USF3: variants seen among roughly 807,000 people sequenced by gnomAD.
USF3 encodes the protein basic helix-loop-helix domain-containing protein USF3.
A neutral mutation model predicts 157.5 loss-of-function variants in USF3; 29 were observed. The ratio of observed to expected loss-of-function variants is 0.18; its 90% CI spans 0.14 to 0.25. The LOEUF (loss-of-function observed/expected upper bound fraction) is 0.25. USF3 is among the 10% of genes least tolerant of loss of function. USF3 has a pLI of 1.00. For synonymous variants in USF3, 893 were observed against 941.4 expected (o/e 0.95, Z 0.94); for missense variants, 2,381 against 2,667.6 (o/e 0.89, Z 2.37).
Position 113,656,271 on chromosome 3 carries a change from T to G in USF3, c.5411A>C (p.Asn1804Thr), listed in dbSNP as rs1386511532. ...TTCACTGTCCCTTGATGGAATACCA[T>G]TTCCTGTTGGGATGCTCTGAACTGG... ...YPPVQSIPTG[N>T]GIPSRDSENT... The change falls in exon 7 of 7, where the codon AAT becomes ACT. Residue 1804 changes from asparagine to threonine, a missense_variant. This residue lies in a region of USF3 where 770 missense variants were observed against 824.2 expected (regional missense o/e 0.93). Coordinates refer to ENST00000316407, the MANE Select transcript of USF3 (RefSeq NM_001009899.4). 9 of 1,614,082 alleles carry G rather than the reference T, an allele frequency of 5.6e-6. No individual in the cohort carries two copies. The highest frequency in any genetic ancestry group is 7.6e-6 in the Non-Finnish European group (9 of 1,180,050).
chr3:113,683,277 T>C (rs1488333188), intron 1 of USF3, among the ~76,000 whole-genome samples: 1 of 151,096 alleles, frequency 6.6e-6, no homozygotes, highest in Non-Finnish European at 1.5e-5. Flanking sequence ...TATTATCTAG[T>C]TTTTAATCTA....
Position 113,660,613 on chromosome 3 carries a change from T to C in USF3, c.1069A>G (p.Met357Val), listed in dbSNP as rs535991160. 28 of 1,614,206 alleles carry C rather than the reference T, an allele frequency of 1.7e-5. No homozygotes were observed. Among genetic ancestry groups the C allele is most frequent in the African/African-American group, 6.7e-5 (5 of 75,056 alleles). Residue 357 changes from methionine (M) to valine (V), a missense_variant, in exon 7 of 7, where the codon ATG (methionine) becomes GTG (valine). By Grantham distance (21) the Met-to-Val change is conservative. Coordinates refer to ENST00000316407, the MANE Select transcript of USF3 (RefSeq NM_001009899.4). Reference sequence around the variant, plus strand: ...AAGTCTGCACTCTTACTAATGCTCATTGGAGAAGAATCACCTGCAGTTCTG... The same window carrying C: ...AAGTCTGCACTCTTACTAATGCTCACTGGAGAAGAATCACCTGCAGTTCTG... ...PPRTAGDSSP[M>V]SISKSADLTS...
chr3:113,691,661 T>G (rs564679313), intron 1 of USF3, among the ~76,000 whole-genome samples: 37 of 152,318 alleles, frequency 2.4e-4, no homozygotes, highest in African/African-American at 7.0e-4. Flanking sequence ...TCCTGGGAGC[T>G]TCTGTTTTCC....
At chr3:113,678,054 G>A (rs914743854) in intron 1 of USF3, among the ~76,000 whole-genome samples, 10 of 124,582 alleles carry the variant, frequency 8.0e-5, no homozygotes, top group African/African-American at 1.8e-4. Flanking sequence ...TTCCTCCCTC[G>A]CTCCCTTCCT....
chr3:113,686,554 G>A (rs1197276423), intron 1 of USF3, among the ~76,000 whole-genome samples: 1 of 152,134 alleles, frequency 6.6e-6, no homozygotes, highest in East Asian at 1.9e-4. Flanking sequence ...CTCCCAACAT[G>A]CCAGTATTAC....
At position 113,659,716 on chromosome 3, in the gene USF3, T is replaced by G; in HGVS notation, c.1966A>C (p.Met656Leu). 8 of 1,614,224 alleles carry G rather than the reference T, an allele frequency of 5.0e-6. No individual in the cohort carries two copies. Among genetic ancestry groups the G allele is most frequent in the Non-Finnish European group, 5.9e-6 (7 of 1,180,038 alleles). The change falls in exon 7 of 7, where the codon ATG (methionine) becomes CTG (leucine). Residue 656 changes from methionine (M) to leucine (L), a missense_variant. Physicochemically the swap from Met to Leu is conservative, Grantham distance 15 (BLOSUM62 2). Coordinates refer to ENST00000316407, the MANE Select transcript of USF3 (RefSeq NM_001009899.4). ...ATGGTTTGAGGCTGTTGGTTTGACATGGTAACAGAAAAAGTTTGTGTTGAG... is the reference window on the plus strand; with the variant it reads ...ATGGTTTGAGGCTGTTGGTTTGACAGGGTAACAGAAAAAGTTTGTGTTGAG... ...SNSTQTFSVT[M>L]SNQQPQTISL... is the part of the protein sequence containing the mutation.
At chr3:113,692,661 C>G (rs1354263661) in intron 1 of USF3, among the ~76,000 whole-genome samples, 1 of 152,120 alleles carries the variant, frequency 6.6e-6, no homozygotes, top group Non-Finnish European at 1.5e-5. Context: ...CTCTTCAGTA[C>G]CTAACAGTGT....
At position 113,648,825 on chromosome 3, in the gene USF3, AT is replaced by A. The variant is rs757976970; in HGVS notation, c.*6118del. 1.3e-5 allele frequency: 2 copies of A among 152,612 alleles called. No homozygotes were observed. The allele number at this position is 152,612 out of a possible 1,614,324, so 9.5% of individuals were successfully genotyped here. Reference sequence around the variant, plus strand: ...TTCTCACCCAGTGTATCTATAAATAATTTGTGAAGGTAATTATGTTCTCCTC... The same window carrying A: ...TTCTCACCCAGTGTATCTATAAATAATTGTGAAGGTAATTATGTTCTCCTC... On this transcript the variant is annotated 3_prime_UTR_variant, in exon 7 of 7. Transcript: ENST00000316407.
chr3:113,676,022 C>T (rs1389568372), intron 2 of USF3, among the ~76,000 whole-genome samples: 1 of 152,172 alleles, frequency 6.6e-6, no homozygotes, highest in Non-Finnish European at 1.5e-5. Flanking sequence ...CTTCATTGTC[C>T]ACATCACTAT....
chr3:113,674,741 G>T, intron 3 of USF3, 91 bp downstream of exon 3: 1 of 950,032 alleles, frequency 1.1e-6, no homozygotes, highest in Non-Finnish European at 1.7e-6. Context: ...CTAAATAAAA[G>T]TTCTCTAAGG....
intron 5 of USF3, among the ~76,000 whole-genome samples, chr3:113,667,509 G>T (rs529985181): frequency 1.2e-4 from 18 of 152,328 alleles, no homozygotes; most frequent in African/African-American, 3.8e-4. Flanking sequence ...TGTGGAGAAA[G>T]AAAAACAAAT....
intron 4 of USF3, 128 bp downstream of exon 4, chr3:113,673,220 G>T: frequency 1.5e-6 from 1 of 666,082 alleles, no homozygotes; most frequent in South Asian, 1.8e-5. Context: ...AAACAATAAG[G>T]GAACATTTTC....
intron 1 of USF3, among the ~76,000 whole-genome samples, chr3:113,686,982 C>T (rs967048316): frequency 2.6e-5 from 4 of 152,000 alleles, no homozygotes; most frequent in Admixed American, 1.3e-4. Flanking sequence ...ACACGCAAAG[C>T]GAGAAGAGTT....
intron 1 of USF3, among the ~76,000 whole-genome samples, chr3:113,685,911 T>G (rs952059693): frequency 9.9e-5 from 15 of 152,170 alleles, no homozygotes. Context: ...AAAAAAATCC[T>G]CTTTACTTTT....
rs142425499 is a variant in USF3, at chr3:113,676,125, C to T, written c.-19+1157G>A. Among the ~76,000 whole-genome samples, 593 of 152,306 alleles carry T rather than the reference C, an allele frequency of 3.9e-3. 4 individuals are homozygous for T. Among genetic ancestry groups the T allele is most frequent in the African/African-American group, 0.013 (561 of 41,566 alleles). On this transcript the variant is annotated intron_variant, in intron 2 of 6. Transcript: ENST00000316407. Reference sequence around the variant, plus strand: ...TTCTTCTGAGTCCTCCAAGTCTCTACAAAGTTCCAAACTTTCCCACATTTT... The same window carrying T: ...TTCTTCTGAGTCCTCCAAGTCTCTATAAAGTTCCAAACTTTCCCACATTTT...
rs1947362416 is a variant in USF3 at position 113,656,504 on chromosome 3, G to A, written c.5178C>T (p.Ala1726=). 1 of 1,614,148 alleles carries A rather than the reference G, an allele frequency of 6.2e-7. No homozygotes were observed. The highest frequency in any genetic ancestry group is 8.5e-7 in the Non-Finnish European group (1 of 1,180,030). Residue 1726 remains alanine (A), a synonymous_variant, in exon 7 of 7, where the codon GCC becomes GCT. Transcript: ENST00000316407. ...NMQGRVDHTV[A]SDIRLSDCQT... is the part of the protein sequence containing the mutation. Reference sequence around the variant, plus strand: ...GACAATCAGAAAGGCGGATATCTGAGGCCACAGTATGGTCCACACGACCCT... The same window carrying A: ...GACAATCAGAAAGGCGGATATCTGAAGCCACAGTATGGTCCACACGACCCT...
At chr3:113,694,905 GC>G (rs1274555746) in intron 1 of USF3, among the ~76,000 whole-genome samples, 1 of 152,126 alleles carries the variant, frequency 6.6e-6, no homozygotes, top group African/African-American at 2.4e-5. Flanking sequence ...AATTAGCTGG[GC>G]TGGTGGCATG....
At position 113,658,658 on chromosome 3, in the gene USF3, T is replaced by C. The variant is rs16861271; in HGVS notation, c.3024A>G (p.Leu1008=). 1.4e-5 allele frequency: 22 copies of C among 1,613,752 alleles called. No individual in the cohort carries two copies. In the Middle Eastern group the frequency reaches 6.6e-4, roughly 48 times the overall value. ...LLKGQGLTTL[L]SDLAKKKNPQ... is the part of the protein sequence containing the mutation. ...GGTTTTTTTTTTTAGCAAGATCAGA[T>C]AGCAATGTAGTTAAACCTTGCCCCT... is the stretch of plus-strand genomic sequence containing the variant. Residue 1008 remains leucine, a synonymous_variant, in exon 7 of 7, where the codon CTA becomes CTG. Transcript: ENST00000316407.
intron 6 of USF3, among the ~76,000 whole-genome samples, chr3:113,662,149 C>T (rs940024408): frequency 6.6e-6 from 1 of 152,212 alleles, no homozygotes; most frequent in Non-Finnish European, 1.5e-5. Flanking sequence ...GCCCAGCCGA[C>T]AGTCTCTTTT....
Sources: gnomAD v4.1 joint callset for allele counts (sites outside exome capture counted in the v4.1 genomes callset) on GRCh38, gnomAD v4.1.1 for gene constraint, gnomAD v4.1.1 regional missense constraint, MANE v1.5 for transcripts, NCBI Gene and HGNC (gene_info 2026-07-23, HGNC 2026-07-21) for gene names.